The following FRYL variants were observed in gnomAD, a reference collection of about 807,000 sequenced individuals.
The protein encoded by FRYL is protein furry homolog-like.
A neutral mutation model predicts 351.2 loss-of-function variants in FRYL; 150 were observed. That is an observed-to-expected ratio of 0.43 (90% CI 0.37 to 0.49). FRYL has a LOEUF of 0.49. Ranked by LOEUF, FRYL falls within the 20% of genes least tolerant of loss-of-function variation. The pLI is 0.00. For missense variants in FRYL, 3,036 were observed against 3,619.3 expected (o/e 0.84, Z 4.13); for synonymous variants, 1,153 against 1,257.1 (o/e 0.92, Z 1.75).
At chr4:48,677,831 A>G (rs566194367) in intron 3 of FRYL, among the ~76,000 whole-genome samples, 4 of 152,208 alleles carry the variant, frequency 2.6e-5, no homozygotes, top group Non-Finnish European at 5.9e-5. Flanking sequence ...CTTTCTTTGC[A>G]TCTTTTTACA....
In FRYL at chr4:48,526,793, T is replaced by C. The variant is rs187981308; in HGVS notation, c.7317+684A>G. ...CATTTAGAAAGCATCTCAACTGACA[T>C]AACTACCAATATAATGTAATCCAGA... On this transcript the variant is annotated intron_variant, in intron 53 of 63. Coordinates refer to ENST00000358350, the MANE Select transcript of FRYL (RefSeq NM_015030.2). 4.8e-3 allele frequency among the ~76,000 whole-genome samples: 725 copies of C among 152,278 alleles called. 4 individuals carry two copies. The highest frequency in any genetic ancestry group is 0.014 in the Middle Eastern group (4 of 294).
At chr4:48,712,008 C>A (rs1768116624) in intron 1 of FRYL, among the ~76,000 whole-genome samples, 1 of 152,206 alleles carries the variant, frequency 6.6e-6, no homozygotes, top group Admixed American at 6.5e-5. Flanking sequence ...GCTGAGGGTC[C>A]TGTCTGTTAG....
chr4:48,533,354 AG>A (rs1435373494), intron 49 of FRYL, among the ~76,000 whole-genome samples: 1 of 152,140 alleles, frequency 6.6e-6, no homozygotes, highest in African/African-American at 2.4e-5. Context: ...CACTCACTGA[AG>A]GATAAGACAC....
In FRYL at chr4:48,549,654, ACC is replaced by A; in HGVS notation, c.4634-33_4634-32del. The A allele has an allele frequency of 6.3e-7, 1 of 1,577,380 alleles. No homozygotes were observed. Among genetic ancestry groups the A allele is most frequent in the Non-Finnish European group, 8.7e-7 (1 of 1,152,364 alleles). ...AAGATAAAATGATCTCATTTTCTAC[ACC>A]ATCTAATTTCTGCCAATATAAGCAA... On this transcript the variant is annotated intron_variant, in intron 38 of 63. Transcript: ENST00000358350. The surrounding 1 kb of genome is among the most constrained non-coding windows in gnomAD (Gnocchi z 4.2).
In FRYL at chr4:48,578,375, T is replaced by C. The variant is rs1163279922; in HGVS notation, c.2528+598A>G. The stretch of plus-strand genomic sequence containing the variant: ...CAGTGGTGTACTCTGTAAGGAGAAA[T>C]CAGGAACCCAAACCCAGATTCAAAA... On this transcript the variant is annotated intron_variant, in intron 23 of 63. Transcript: ENST00000358350. 3.2e-4 allele frequency among the ~76,000 whole-genome samples: 49 copies of C among 152,026 alleles called. 1 individual carries two copies. Among genetic ancestry groups the C allele is most frequent in the Admixed American group, 3.2e-3 (49 of 15,274 alleles).
At position 48,548,726 on chromosome 4, in the gene FRYL, T is replaced by C; in HGVS notation, c.4852A>G (p.Ser1618Gly). The C allele has an allele frequency of 1.9e-6, 3 of 1,609,208 alleles. No individual in the cohort carries two copies. Among genetic ancestry groups the C allele is most frequent in the Non-Finnish European group, 1.7e-6 (2 of 1,175,730 alleles). ...IDHSVKVEWG[S>G]YLHLLLHAIF... The stretch of plus-strand genomic sequence containing the variant: ...GCATGAAGAAGAAGATGGAGGTAGC[T>C]TCCCCATTCCACCTTCACACTATGA... Residue 1618 changes from serine to glycine, a missense_variant, in exon 40 of 64, where the codon AGC (serine) becomes GGC (glycine). Physicochemically the swap from Ser to Gly is moderately conservative, Grantham distance 56. This residue lies in a region of FRYL where 1,987 missense variants were observed against 2,311.7 expected (regional missense o/e 0.86). Coordinates refer to ENST00000358350, the MANE Select transcript of FRYL (RefSeq NM_015030.2).
intron 26 of FRYL, among the ~76,000 whole-genome samples, chr4:48,572,473 G>C (rs1028831480): frequency 6.6e-6 from 1 of 152,180 alleles, no homozygotes; most frequent in African/African-American, 2.4e-5. Flanking sequence ...TGCAAATGCT[G>C]TTCTTTGCCT....
intron 45 of FRYL, among the ~76,000 whole-genome samples, chr4:48,541,456 T>C (rs1413432064): frequency 6.6e-6 from 1 of 152,210 alleles, no homozygotes; most frequent in African/African-American, 2.4e-5. Flanking sequence ...AAGGAAGGAA[T>C]ATTAGACAAG....
chr4:48,644,269 G>C (rs1755922018), intron 3 of FRYL, among the ~76,000 whole-genome samples: 1 of 151,988 alleles, frequency 6.6e-6, no homozygotes, highest in African/African-American at 2.4e-5. Context: ...AGACTGTTTT[G>C]TCTAGGTTTA....
rs1260394708 is a variant in FRYL, at chr4:48,714,594, G to C, written c.-383-3896C>G. 1.5e-3 allele frequency among the ~76,000 whole-genome samples: 230 copies of C among 149,510 alleles called. 1 individual carries two copies. The highest frequency in any genetic ancestry group is 4.8e-3 in the African/African-American group (199 of 41,160). ...CAGGAAGAAGTTGAATCTCTGAATA[G>C]ACCAATAACAGGAGCTGAAATTGTG... On this transcript the variant is annotated intron_variant, in intron 1 of 63. Coordinates refer to ENST00000358350, the MANE Select transcript of FRYL (RefSeq NM_015030.2).
At chr4:48,673,141 T>C (rs1762990376) in intron 3 of FRYL, among the ~76,000 whole-genome samples, 1 of 152,216 alleles carries the variant, frequency 6.6e-6, no homozygotes, top group African/African-American at 2.4e-5. Flanking sequence ...ATGGAACCAA[T>C]ACAATATGTG....
intron 19 of FRYL, among the ~76,000 whole-genome samples, chr4:48,584,617 T>C (rs1357118384): frequency 1.3e-5 from 2 of 152,176 alleles, no homozygotes; most frequent in Non-Finnish European, 2.9e-5. Flanking sequence ...ATTTCAACAT[T>C]CCTTAAATCC....
chr4:48,714,642 C>A (rs1398176890), intron 1 of FRYL, among the ~76,000 whole-genome samples: 1 of 149,544 alleles, frequency 6.7e-6, no homozygotes, highest in Non-Finnish European at 1.5e-5. Context: ...AGCTTACCAA[C>A]CAAAAAGAGT....
intron 1 of FRYL, among the ~76,000 whole-genome samples, chr4:48,737,850 G>A (rs983538111): frequency 6.6e-6 from 1 of 152,150 alleles, no homozygotes; most frequent in African/African-American, 2.4e-5. Context: ...CACAGGAACA[G>A]GCTAATAAGT....
At chr4:48,544,653 CATT>C (rs1730948678) in intron 43 of FRYL, 127 bp downstream of exon 43, 1 of 658,442 alleles carries the variant, frequency 1.5e-6, no homozygotes, top group Non-Finnish European at 2.4e-6. Context: ...GATCTGTTAT[CATT>C]AATAAATTAA....
chr4:48,502,862 T>A lies in FRYL; in HGVS notation c.8464-17A>T. ...TTCCATTTGCTAAGCAAGAAGGTGA[T>A]CAGGTCACAAAAAATACAAAGGAAG... On this transcript the variant is annotated splice_polypyrimidine_tract_variant and intron_variant, in intron 60 of 63. Transcript: ENST00000358350. The A allele has an allele frequency of 1.2e-6, 2 of 1,605,894 alleles. No homozygotes were observed. The highest frequency in any genetic ancestry group is 8.5e-7 in the Non-Finnish European group (1 of 1,174,496).
At chr4:48,755,186 T>C (rs1773648329) in intron 1 of FRYL, among the ~76,000 whole-genome samples, 1 of 152,164 alleles carries the variant, frequency 6.6e-6, no homozygotes, top group South Asian at 2.1e-4. Flanking sequence ...CCCTCACCCT[T>C]GTAACTGTGC....
intron 2 of FRYL, among the ~76,000 whole-genome samples, chr4:48,708,331 G>C (rs527419758): frequency 6.6e-6 from 1 of 151,650 alleles, no homozygotes; most frequent in Non-Finnish European, 1.5e-5. Context: ...GCCAGGCATG[G>C]TAGCACACAC....
In FRYL at chr4:48,702,926, T is replaced by C. The variant is rs1766927855; in HGVS notation, c.-204+7593A>G. ...GAGTTAAAAAAAATTAATCTTGGGA[T>C]CTAAGAAGGATCAGAGAATAGTGGG... On this transcript the variant is annotated intron_variant, in intron 2 of 63. Transcript: ENST00000358350. Among the ~76,000 whole-genome samples the C allele has an allele frequency of 3.3e-5, 5 of 151,974 alleles. No homozygotes were observed. In the South Asian group the frequency reaches 6.2e-4, roughly 19 times the overall value.
Sources: allele counts gnomAD v4.1 joint callset (sites outside exome capture counted in the v4.1 genomes callset), GRCh38; gene constraint gnomAD v4.1.1; regional missense constraint gnomAD v4.1.1; non-coding constraint Gnocchi (gnomAD v3.1); transcripts MANE v1.5; gene names NCBI Gene and HGNC (gene_info 2026-07-23, HGNC 2026-07-21).